Variants in CEP128 observed in about 807,000 individuals in gnomAD.
The protein encoded by CEP128 is centrosomal protein 128kDa.
CEP128 carries 132 observed loss-of-function variants against 156.7 expected under a neutral mutation model. The ratio of observed to expected loss-of-function variants is 0.84; its 90% confidence interval spans 0.73 to 0.97. The LOEUF (loss-of-function observed/expected upper bound fraction) is 0.97. CEP128 is among the 50% of genes least tolerant of loss of function. The probability of loss-of-function intolerance (pLI) is 0.00; values close to 1 mark genes in which losing one functional copy is unlikely to be tolerated. For missense variants in CEP128, 1,252 were observed against 1,281.9 expected (o/e 0.98, Z 0.36); for synonymous variants, 469 against 448.9 (o/e 1.04, Z -0.57).
At chr14:80,883,209 T>A (rs1236040770) in intron 8 of CEP128, among the ~76,000 whole-genome samples, 6 of 152,026 alleles carry the variant, frequency 3.9e-5, no homozygotes, top group African/African-American at 9.6e-5. Context: ...AAATAAAAAA[T>A]TTTTTAAAAT....
At chr14:80,670,238 C>G (rs1117435) in intron 19 of CEP128, among the ~76,000 whole-genome samples, 39,951 of 152,050 alleles carry the variant, frequency 0.26, 5,834 homozygotes, top group East Asian at 0.43. Context: ...AACTATATTA[C>G]TATCCAAAAG....
chr14:80,847,477 T>C (rs192466752), intron 9 of CEP128, among the ~76,000 whole-genome samples: 40 of 152,240 alleles, frequency 2.6e-4, no homozygotes, highest in Non-Finnish European at 5.0e-4. Flanking sequence ...AAATAATTAG[T>C]ATGGTGTATG....
intron 23 of CEP128, among the ~76,000 whole-genome samples, chr14:80,509,033 C>A (rs947690831): frequency 1.3e-5 from 2 of 151,720 alleles, no homozygotes; most frequent in African/African-American, 4.9e-5. Context: ...CAGGAGAGAG[C>A]GAGCATGGGA....
chr14:80,930,132 G>A (rs192448703), intron 2 of CEP128, among the ~76,000 whole-genome samples: 15 of 152,272 alleles, frequency 9.9e-5, no homozygotes, highest in South Asian at 6.2e-4. Context: ...GATGACCTGA[G>A]GTGGAGCTGA....
chr14:80,661,376 G>A (rs1030869138), intron 19 of CEP128, among the ~76,000 whole-genome samples: 1 of 152,104 alleles, frequency 6.6e-6, no homozygotes, highest in African/African-American at 2.4e-5. Flanking sequence ...TACTTCAAGA[G>A]TACTTTAAAG....
chr14:80,699,024 G>T (rs904873709), intron 19 of CEP128, among the ~76,000 whole-genome samples: 2 of 152,100 alleles, frequency 1.3e-5, no homozygotes, highest in Non-Finnish European at 2.9e-5. Flanking sequence ...GGAATCTTGG[G>T]AAGAGAATGA....
intron 19 of CEP128, among the ~76,000 whole-genome samples, chr14:80,688,578 G>A (rs1383164844): frequency 6.6e-6 from 1 of 152,140 alleles, no homozygotes; most frequent in Non-Finnish European, 1.5e-5. Context: ...CATGTTTGTT[G>A]CATAATTTTC....
intron 13 of CEP128, among the ~76,000 whole-genome samples, chr14:80,799,303 C>T (rs1177563820): frequency 6.6e-6 from 1 of 152,228 alleles, no homozygotes; most frequent in East Asian, 1.9e-4. Context: ...TTTCTTATGC[C>T]TGTCTTTACT....
At chr14:80,772,124 G>A (rs930008302) in intron 16 of CEP128, among the ~76,000 whole-genome samples, 7 of 152,264 alleles carry the variant, frequency 4.6e-5, no homozygotes, top group Admixed American at 3.9e-4. Context: ...GCCCACAAAG[G>A]CTGCACCCTC....
chr14:80,526,782 C>A, intron 23 of CEP128, 87 bp downstream of exon 23: 2 of 655,258 alleles, frequency 3.1e-6, no homozygotes, highest in South Asian at 2.0e-5. Flanking sequence ...AGTGCCCTTA[C>A]ACAAACACTG....
chr14:80,841,945 C>T (rs991741662), intron 9 of CEP128, among the ~76,000 whole-genome samples: 7 of 151,648 alleles, frequency 4.6e-5, no homozygotes, highest in African/African-American at 1.7e-4. Flanking sequence ...CAGAGTGAGA[C>T]CCTCAAAAAA....
At chr14:80,635,785 CT>C (rs1349031260) in intron 19 of CEP128, among the ~76,000 whole-genome samples, 1 of 152,150 alleles carries the variant, frequency 6.6e-6, no homozygotes, top group Non-Finnish European at 1.5e-5. Context: ...AAATCTGAAC[CT>C]TTTTGAACAC....
At chr14:80,833,030 T>C (rs1885889387) in intron 12 of CEP128, among the ~76,000 whole-genome samples, 2 of 152,172 alleles carry the variant, frequency 1.3e-5, no homozygotes, top group South Asian at 4.1e-4. Flanking sequence ...TCCAATAAAG[T>C]CTATTTACAA....
intron 15 of CEP128, 30 bp downstream of exon 15, chr14:80,784,865 A>G: frequency 6.5e-7 from 1 of 1,535,922 alleles, no homozygotes. Context: ...AAATTCCTTC[A>G]GTATCATCAG....
At chr14:80,481,078 T>C (rs1887042715) in intron 14 of CEP128, among the ~76,000 whole-genome samples, 1 of 152,208 alleles carries the variant, frequency 6.6e-6, no homozygotes, top group South Asian at 2.1e-4. Context: ...TTCCACATTT[T>C]CGGGTATGTT....
intron 18 of CEP128, among the ~76,000 whole-genome samples, chr14:80,754,025 T>C (rs963891865): frequency 3.9e-5 from 6 of 152,160 alleles, no homozygotes; most frequent in Admixed American, 2.6e-4. Flanking sequence ...CCAACTCTAA[T>C]CTACCTTTCA....
At chr14:80,888,446 T>G (rs1056954177) in intron 8 of CEP128, among the ~76,000 whole-genome samples, 1 of 152,326 alleles carries the variant, frequency 6.6e-6, no homozygotes, top group African/African-American at 2.4e-5. Context: ...TCAAGTTAGC[T>G]TCATCGCTGG....
chr14:80,784,925 AC>A lies in CEP128; in HGVS notation c.2180del (p.Ser727MetfsTer10). 6.2e-7 allele frequency: 1 copy of A among 1,612,976 alleles called. No individual in the cohort carries two copies. Among genetic ancestry groups the A allele is most frequent in the Non-Finnish European group, 8.5e-7 (1 of 1,179,582 alleles). Reference sequence around the variant, plus strand: ...GAGTCCTGATATGATTCTCAGCCTCACTCTTTTCTTTCTTAAAGTGCTTCAT... The same window carrying A: ...GAGTCCTGATATGATTCTCAGCCTCATCTTTTCTTTCTTAAAGTGCTTCAT... ...ELMKHFKKEK[S>X]EAENHIRTLK... On this transcript the variant is annotated frameshift_variant, in exon 15 of 25. Transcript: ENST00000555265. LOFTEE classifies it high-confidence loss of function.
chr14:80,609,006 T>C (rs1489290866), intron 19 of CEP128, among the ~76,000 whole-genome samples: 2 of 152,154 alleles, frequency 1.3e-5, no homozygotes, highest in Admixed American at 6.5e-5. Flanking sequence ...ATATTAAAAA[T>C]GTATATTGAA....
Sources: gnomAD v4.1 joint callset for allele counts (sites outside exome capture counted in the v4.1 genomes callset) on GRCh38, gnomAD v4.1.1 for gene constraint, MANE v1.5 for transcripts, NCBI Gene and HGNC (gene_info 2026-07-23, HGNC 2026-07-21) for gene names.